The following SLC25A43 variants were observed in gnomAD, a reference collection of about 807,000 sequenced individuals.
The protein encoded by SLC25A43 is solute carrier family 25, member 43.
In SLC25A43, 10 loss-of-function variants were observed where a neutral mutation model predicts 22.8. The ratio of observed to expected loss-of-function variants is 0.44; its 90% confidence interval spans 0.27 to 0.74. SLC25A43 has a LOEUF of 0.74. Ranked by LOEUF, SLC25A43 falls within the 30% of genes least tolerant of loss-of-function variation. The pLI, the probability that SLC25A43 is intolerant of heterozygous loss-of-function variation, is 0.17. For missense variants in SLC25A43, 233 were observed against 279.1 expected, an observed-to-expected ratio of 0.83 and a Z score of 1.18; for synonymous variants, 106 against 121.6, an observed-to-expected ratio of 0.87 and a Z score of 0.84.
At position 119,451,005 on chromosome X, in the gene SLC25A43, A is replaced by C. The variant is rs374927628; in HGVS notation, c.691-1004A>C. On this transcript the variant is annotated intron_variant, in intron 3 of 4. Transcript: ENST00000217909. ...TCGTGAAACCCCATCTCTACTAAAAATATAAAAATTAGCCAGGTGTGGTGG... is the reference window on the plus strand; with the variant it reads ...TCGTGAAACCCCATCTCTACTAAAACTATAAAAATTAGCCAGGTGTGGTGG... Among the ~76,000 whole-genome samples, 5 of 111,037 alleles carry C rather than the reference A, an allele frequency of 4.5e-5. No individual in the cohort carries two copies. The East Asian group carries it at 8.5e-4, about 19-fold the overall frequency.
intron 2 of SLC25A43, among the ~76,000 whole-genome samples, chrX:119,407,441 T>C (rs1362771123): frequency 1.8e-5 from 2 of 111,765 alleles, no homozygotes; most frequent in African/African-American, 6.5e-5. Flanking sequence ...TCTACCTCTT[T>C]AGTAACAATG....
At chrX:119,419,016 A>T (rs1449258739) in intron 3 of SLC25A43, among the ~76,000 whole-genome samples, 1 of 112,568 alleles carries the variant, frequency 8.9e-6, no homozygotes, top group Non-Finnish European at 1.9e-5. Context: ...AATTCATCTG[A>T]TTAATCTGTG....
Position 119,452,300 on chromosome X carries a change from G to A in SLC25A43, c.825+157G>A, listed in dbSNP as rs766252064. ...TGAATGCACACTGTCTGTCAGCCCC[G>A]TAGAGAGGGGAACCTGTGCAGTGGT... On this transcript the variant is annotated intron_variant, in intron 4 of 4. Coordinates refer to ENST00000217909, the MANE Select transcript of SLC25A43 (RefSeq NM_145305.3). 7.2e-5 allele frequency among the ~76,000 whole-genome samples: 8 copies of A among 111,154 alleles called. 1 individual carries two copies. Among genetic ancestry groups the A allele is most frequent in the African/African-American group, 3.3e-5 (1 of 30,545 alleles).
intron 3 of SLC25A43, among the ~76,000 whole-genome samples, chrX:119,444,905 C>T (rs987748066): frequency 9.4e-6 from 1 of 106,485 alleles, no homozygotes; most frequent in Non-Finnish European, 1.9e-5. Flanking sequence ...CGATGTGGCA[C>T]GTGCCTGTAA....
chrX:119,452,670 T>C (rs2052715751), intron 4 of SLC25A43, among the ~76,000 whole-genome samples, 195 bp from the exon 5 acceptor site: 1 of 111,310 alleles, frequency 9.0e-6, no homozygotes, highest in Non-Finnish European at 1.9e-5. Context: ...TCAATCACTG[T>C]CATTCCTCTC....
intron 3 of SLC25A43, among the ~76,000 whole-genome samples, chrX:119,441,918 G>A (rs1046824021): frequency 2.7e-5 from 3 of 110,734 alleles, no homozygotes; most frequent in Non-Finnish European, 5.7e-5. Flanking sequence ...GTGAAACCCC[G>A]TCTGTACTAA....
chrX:119,411,931 T>C (rs2052352765), intron 3 of SLC25A43, among the ~76,000 whole-genome samples: 1 of 111,918 alleles, frequency 8.9e-6, no homozygotes, highest in Non-Finnish European at 1.9e-5. Context: ...CCATGGCCTC[T>C]TCTGGGCAAA....
chrX:119,449,777 G>C (rs1451090818), intron 3 of SLC25A43, among the ~76,000 whole-genome samples: 2 of 111,560 alleles, frequency 1.8e-5, no homozygotes, highest in African/African-American at 6.5e-5. Context: ...AAAAGGACAA[G>C]AGTGGGTCCA....
intron 3 of SLC25A43, among the ~76,000 whole-genome samples, chrX:119,419,075 GGTGCAT>G (rs1004055185): frequency 2.7e-5 from 3 of 112,295 alleles, no homozygotes; most frequent in African/African-American, 9.7e-5. Context: ...TCTCTGCACA[GGTGCAT>G]GTGAAGAAGA....
intron 3 of SLC25A43, among the ~76,000 whole-genome samples, chrX:119,429,728 A>AG (rs903419590): frequency 2.7e-5 from 3 of 111,983 alleles, no homozygotes; most frequent in Non-Finnish European, 5.6e-5. Flanking sequence ...ATGAAGGAGA[A>AG]GCACAGGGTG....
At chrX:119,403,832 T>C (rs1455075514) in intron 1 of SLC25A43, among the ~76,000 whole-genome samples, 9 of 109,614 alleles carry the variant, frequency 8.2e-5, no homozygotes, top group African/African-American at 3.0e-4. Flanking sequence ...ACCAAATGAG[T>C]GTGGGGAACC....
chrX:119,448,374 C>A (rs1281533075), intron 3 of SLC25A43, among the ~76,000 whole-genome samples: 1 of 111,757 alleles, frequency 8.9e-6, no homozygotes, highest in Non-Finnish European at 1.9e-5. Context: ...TGCCATTCTT[C>A]TATTCATAAC....
At chrX:119,426,389 A>G (rs2052504531) in intron 3 of SLC25A43, 1 of 249,111 alleles carries the variant, frequency 4.0e-6, no homozygotes, top group Non-Finnish European at 5.7e-6. Context: ...ACTTGCAGCA[A>G]AGACTAAATT....
intron 3 of SLC25A43, among the ~76,000 whole-genome samples, chrX:119,445,444 C>T (rs751353346): frequency 1.1e-4 from 12 of 112,319 alleles, no homozygotes; most frequent in African/African-American, 3.9e-4. Flanking sequence ...AAGATGACGA[C>T]TGGCATTGCC....
intron 3 of SLC25A43, among the ~76,000 whole-genome samples, chrX:119,417,482 T>G (rs778239655): frequency 9.1e-6 from 1 of 109,508 alleles, no homozygotes; most frequent in South Asian, 4.1e-4. Context: ...GACATCTAAA[T>G]GGGACGGGTA....
chrX:119,428,953 G>A (rs920309012), intron 3 of SLC25A43, among the ~76,000 whole-genome samples: 4 of 111,968 alleles, frequency 3.6e-5, no homozygotes, highest in African/African-American at 1.3e-4. Context: ...CCCCTTGTCC[G>A]TGGAAAAATG....
chrX:119,399,509 G>A lies in SLC25A43; in HGVS notation c.106G>A (p.Ala36Thr). Residue 36 changes from alanine to threonine, a missense_variant, in exon 1 of 5, where the codon GCC becomes ACC. Transcript: ENST00000217909. The stretch of plus-strand genomic sequence containing the variant: ...CAGCCTCACCGCGCCCCTGGAGCTC[G>A]CCACCGTGCTGGCCCAGGTTGGCGT... The part of the protein sequence containing the change: ...SLSLTAPLEL[A>T]TVLAQVGVVR... The A allele has an allele frequency of 9.1e-7, 1 of 1,094,887 alleles. No homozygotes were observed. The highest frequency in any genetic ancestry group is 1.2e-6 in the Non-Finnish European group (1 of 840,741). 90.2% of individuals were successfully genotyped at this position (1,094,887 alleles called of 1,213,427 possible).
intron 3 of SLC25A43, chrX:119,426,276 G>A: frequency 1.3e-6 from 1 of 749,303 alleles, no homozygotes; most frequent in Non-Finnish European, 1.6e-6. Flanking sequence ...TTGGATCCCA[G>A]CCTTGCCACT....
intron 3 of SLC25A43, among the ~76,000 whole-genome samples, chrX:119,419,043 C>G (rs1204965748): frequency 8.9e-6 from 1 of 112,221 alleles, no homozygotes; most frequent in Admixed American, 9.4e-5. Flanking sequence ...GAATAAGAAC[C>G]AGGGAGTCCT....
Sources: allele counts gnomAD v4.1 joint callset (sites outside exome capture counted in the v4.1 genomes callset), GRCh38; gene constraint gnomAD v4.1.1; transcripts MANE v1.5; gene names NCBI Gene and HGNC (gene_info 2026-07-23, HGNC 2026-07-21).